The following CNTLN variants were observed in gnomAD, a reference collection of about 807,000 sequenced individuals.
CNTLN encodes the protein centlein, centrosomal protein.
CNTLN carries 212 observed loss-of-function variants against 180.0 expected under a neutral mutation model. The observed-to-expected ratio is 1.18, with a 90% CI of 1.05 to 1.32. The LOEUF (loss-of-function observed/expected upper bound fraction) is 1.32. CNTLN is among the 40% of genes most tolerant of loss of function. CNTLN has a pLI of 0.00. For missense variants in CNTLN, 2,095 were observed against 1,610.9 expected, an observed-to-expected ratio of 1.30 and a Z score of -5.14; for synonymous variants, 722 against 563.1, an observed-to-expected ratio of 1.28 and a Z score of -3.99.
At chr9:17,199,704 A>G (rs1822393211) in intron 2 of CNTLN, among the ~76,000 whole-genome samples, 2 of 151,912 alleles carry the variant, frequency 1.3e-5, no homozygotes, top group African/African-American at 4.8e-5. Flanking sequence ...TTTCTTGTAA[A>G]TCTGTTTTGA....
At chr9:17,433,157 T>C (rs1030457315) in intron 18 of CNTLN, among the ~76,000 whole-genome samples, 3 of 152,038 alleles carry the variant, frequency 2.0e-5, no homozygotes, top group Non-Finnish European at 1.5e-5. Context: ...TATAATAAAA[T>C]TGAAGAGTAA....
intron 2 of CNTLN, among the ~76,000 whole-genome samples, chr9:17,213,887 T>C: frequency 6.6e-6 from 1 of 152,222 alleles, no homozygotes; most frequent in Non-Finnish European, 1.5e-5. Flanking sequence ...CCCTGCCTTT[T>C]TTTGTTTTCC....
chr9:17,353,905 C>T (rs981942117), intron 12 of CNTLN, among the ~76,000 whole-genome samples: 2 of 152,178 alleles, frequency 1.3e-5, no homozygotes, highest in African/African-American at 4.8e-5. Context: ...AGGCTGGAGC[C>T]CACTCCCTCA....
At chr9:17,467,174 G>T (rs1050783749) in intron 23 of CNTLN, among the ~76,000 whole-genome samples, 5 of 151,452 alleles carry the variant, frequency 3.3e-5, no homozygotes, top group African/African-American at 1.2e-4. Flanking sequence ...TAAGTTGAAA[G>T]AATTAAGCTG....
chr9:17,227,344 C>T lies in CNTLN; in HGVS notation c.534+1057C>T, dbSNP rs542531281. 7.2e-5 allele frequency among the ~76,000 whole-genome samples: 11 copies of T among 151,856 alleles called. No individual in the cohort carries two copies. The East Asian group carries it at 1.4e-3, about 19-fold the overall frequency. On this transcript the variant is annotated intron_variant, in intron 3 of 25. Coordinates refer to ENST00000380647, the MANE Select transcript of CNTLN (RefSeq NM_017738.4). ...TATGTATATGTAATATGTAAAATTA[C>T]GTGTGATTATATAATCAGTATGTAA...
At chr9:17,218,807 T>C (rs1465365764) in intron 2 of CNTLN, among the ~76,000 whole-genome samples, 2 of 152,152 alleles carry the variant, frequency 1.3e-5, no homozygotes, top group East Asian at 1.9e-4. Context: ...TCATTTATAG[T>C]TGGATGTTTT....
chr9:17,335,936 AC>A (rs1192438446), intron 10 of CNTLN, among the ~76,000 whole-genome samples: 6 of 151,664 alleles, frequency 4.0e-5, no homozygotes, highest in African/African-American at 7.3e-5. Flanking sequence ...AAAAACAAAA[AC>A]AAAAACAAAG....
At chr9:17,417,375 C>T (rs1430583737) in intron 18 of CNTLN, among the ~76,000 whole-genome samples, 2 of 151,954 alleles carry the variant, frequency 1.3e-5, no homozygotes, top group Non-Finnish European at 2.9e-5. Context: ...TTTTATATCT[C>T]ACCGTGATAT....
At chr9:17,477,827 G>A (rs1162157410) in intron 23 of CNTLN, among the ~76,000 whole-genome samples, 2 of 152,244 alleles carry the variant, frequency 1.3e-5, no homozygotes, top group African/African-American at 4.8e-5. Context: ...CATAAACTTA[G>A]TTGATAAAGC....
At chr9:17,304,476 G>C (rs542666733) in intron 7 of CNTLN, among the ~76,000 whole-genome samples, 1 of 152,038 alleles carries the variant, frequency 6.6e-6, no homozygotes, top group South Asian at 2.1e-4. Context: ...TAACTTTTTG[G>C]TCTATTTAGT....
intron 5 of CNTLN, among the ~76,000 whole-genome samples, chr9:17,268,068 C>A (rs929914886): frequency 6.6e-6 from 1 of 152,164 alleles, no homozygotes; most frequent in African/African-American, 2.4e-5. Context: ...AGCTTTGTTC[C>A]GTTGCTGGTG....
In CNTLN at chr9:17,236,516, T is replaced by G; in HGVS notation, c.777T>G (p.Asn259Lys). ...KLSTRCTDLL[N>K]DLEKLRKQEA... is the part of the protein sequence containing the mutation. ...GTACCCGCTGCACTGACCTGCTAAA[T>G]GACCTGGAGAAATTGAGGAAGCAGG... Residue 259 changes from asparagine (N) to lysine (K), a missense_variant, in exon 5 of 26, where the codon AAT (asparagine) becomes AAG (lysine). Physicochemically the swap from Asn to Lys is moderately conservative, Grantham distance 94. Transcript: ENST00000380647. 1 of 1,613,646 alleles carries G rather than the reference T, an allele frequency of 6.2e-7. No homozygotes were observed. The highest frequency in any genetic ancestry group is 1.1e-5 in the South Asian group (1 of 91,022).
intron 3 of CNTLN, among the ~76,000 whole-genome samples, chr9:17,228,499 T>C (rs140561384): frequency 1.6e-4 from 24 of 152,222 alleles, no homozygotes; most frequent in African/African-American, 4.6e-4. Context: ...TATTATCCTG[T>C]GATGGTGTTG....
chr9:17,465,457 CAT>C (rs1242061551), intron 21 of CNTLN, among the ~76,000 whole-genome samples: 6 of 150,440 alleles, frequency 4.0e-5, no homozygotes, highest in South Asian at 4.2e-4. Flanking sequence ...ATATAAATAA[CAT>C]ATATCTTTAG....
At chr9:17,426,062 C>T (rs1829063749) in intron 18 of CNTLN, among the ~76,000 whole-genome samples, 1 of 152,092 alleles carries the variant, frequency 6.6e-6, no homozygotes, top group South Asian at 2.1e-4. Flanking sequence ...GAACCAGGGA[C>T]CTAATCCTTC....
chr9:17,312,369 T>TATATATATATATATA (rs1554686011), intron 8 of CNTLN, among the ~76,000 whole-genome samples: 4,278 of 31,296 alleles, frequency 0.14, 160 homozygotes, highest in South Asian at 0.23. Context: ...ATATATTATA[T>TATATATATATATATA]ATATATATAT....
chr9:17,349,592 A>G (rs1443570891), intron 12 of CNTLN, among the ~76,000 whole-genome samples: 1 of 152,178 alleles, frequency 6.6e-6, no homozygotes, highest in Admixed American at 6.5e-5. Flanking sequence ...TAGAGTTTCT[A>G]CCATTGAGTA....
intron 12 of CNTLN, among the ~76,000 whole-genome samples, chr9:17,361,957 A>T (rs1823428201): frequency 6.6e-6 from 1 of 152,224 alleles, no homozygotes; most frequent in Admixed American, 6.5e-5. Flanking sequence ...GTCAGTGCTC[A>T]TCCTGGTCAG....
intron 12 of CNTLN, among the ~76,000 whole-genome samples, chr9:17,354,192 G>A (rs1355861725): frequency 6.6e-6 from 1 of 152,186 alleles, no homozygotes; most frequent in Non-Finnish European, 1.5e-5. Flanking sequence ...CTCGGGACCT[G>A]CAGCCCGCCA....
Sources: gnomAD v4.1 joint callset for allele counts (sites outside exome capture counted in the v4.1 genomes callset) on GRCh38, gnomAD v4.1.1 for gene constraint, MANE v1.5 for transcripts, NCBI Gene and HGNC (gene_info 2026-07-23, HGNC 2026-07-21) for gene names.